Variants in CAMKK2 observed in about 807,000 individuals in gnomAD.
CAMKK2 encodes the protein calcium/calmodulin-dependent protein kinase kinase 2.
A neutral mutation model predicts 67.2 loss-of-function variants in CAMKK2; 30 were observed. The ratio of observed to expected loss-of-function variants is 0.45; its 90% CI spans 0.33 to 0.61. The LOEUF (loss-of-function observed/expected upper bound fraction) is 0.61. CAMKK2 is among the 20% of genes least tolerant of loss of function. CAMKK2 has a pLI of 0.02. For synonymous variants in CAMKK2, 322 were observed against 326.2 expected, an observed-to-expected ratio of 0.99 and a Z score of 0.14; for missense variants, 643 against 802.0, an observed-to-expected ratio of 0.80 and a Z score of 2.39.
At chr12:121,291,861 T>C (rs1338104162) in intron 1 of CAMKK2, among the ~76,000 whole-genome samples, 2 of 151,850 alleles carry the variant, frequency 1.3e-5, no homozygotes, top group Non-Finnish European at 2.9e-5. Context: ...ATCAAGACCA[T>C]CCTAGCCAAC....
intron 1 of CAMKK2, among the ~76,000 whole-genome samples, chr12:121,289,961 C>T (rs1899670722): frequency 6.6e-5 from 10 of 150,446 alleles, no homozygotes; most frequent in Admixed American, 5.9e-4. Context: ...AGAGAAGGTA[C>T]ATCAGGAAAG....
Position 121,240,352 on chromosome 12 carries a change from A to G in CAMKK2, c.*347T>C, listed in dbSNP as rs931421203. 20 of 1,274,598 alleles carry G rather than the reference A, an allele frequency of 1.6e-5. No homozygotes were observed. The highest frequency in any genetic ancestry group is 4.9e-5 in the Admixed American group (2 of 40,842). The allele number at this position is 1,274,598 out of a possible 1,614,324, so 79.0% of individuals were successfully genotyped here. A position where few individuals can be genotyped will look rare whatever the true frequency, so the allele number is the denominator to read the frequency against. On this transcript the variant is annotated 3_prime_UTR_variant, in exon 17 of 17. Transcript: ENST00000404169. This position sits in a 1 kb window ranked among gnomAD's most constrained non-coding sequence, Gnocchi z 4.4. ...TTTCCACAGTTGTCAAACCCCACAC[A>G]CAGTCACTTGGTATATCTGACGTGG... is the stretch of plus-strand genomic sequence containing the variant.
chr12:121,297,432 C>G, upstream of CAMKK2: 1 of 372,770 alleles, frequency 2.7e-6, no homozygotes, highest in Non-Finnish European at 5.5e-6. Flanking sequence ...ATCCCCAGCC[C>G]ACCTGGATGC....
chr12:121,255,242 A>G (rs1593322427), intron 9 of CAMKK2, among the ~76,000 whole-genome samples: 2 of 88,090 alleles, frequency 2.3e-5, no homozygotes, highest in Non-Finnish European at 4.3e-5. Context: ...AATTTTATAT[A>G]TATATAATTA....
At chr12:121,244,765 AC>A in intron 15 of CAMKK2, 150 bp from the exon 16 acceptor site, 1 of 651,310 alleles carries the variant, frequency 1.5e-6, no homozygotes, top group Non-Finnish European at 2.7e-6. Flanking sequence ...ATGAGTGGAC[AC>A]CTCTCTGCAT....
chr12:121,284,561 G>C (rs1898377442), intron 1 of CAMKK2, among the ~76,000 whole-genome samples: 1 of 152,174 alleles, frequency 6.6e-6, no homozygotes, highest in South Asian at 2.1e-4. Flanking sequence ...CTGACTTCAA[G>C]TGATCCACCT....
intron 16 of CAMKK2, among the ~76,000 whole-genome samples, chr12:121,243,222 G>A (rs12305892): frequency 0.026 from 3,971 of 151,270 alleles, 182 homozygotes; most frequent in African/African-American, 0.091. Flanking sequence ...TAGTAGAGAC[G>A]GGGTTTCACC....
chr12:121,246,363 T>C (rs1593275443), intron 14 of CAMKK2, among the ~76,000 whole-genome samples: 1 of 151,646 alleles, frequency 6.6e-6, no homozygotes, highest in Non-Finnish European at 1.5e-5. Context: ...CTGGCCAGCA[T>C]GGAGAAACCG....
chr12:121,283,720 C>A (rs867174357), intron 1 of CAMKK2, among the ~76,000 whole-genome samples: 1 of 152,060 alleles, frequency 6.6e-6, no homozygotes, highest in Non-Finnish European at 1.5e-5. Context: ...GAGGCTGAGG[C>A]GGGAGGATGG....
intron 16 of CAMKK2, chr12:121,244,185 C>A: frequency 1.3e-6 from 2 of 1,578,326 alleles, no homozygotes; most frequent in Non-Finnish European, 1.7e-6. Flanking sequence ...CGAAGAGCCA[C>A]ACAGTGCAGC....
At chr12:121,252,519 A>G (rs1459821766) in intron 11 of CAMKK2, 142 bp downstream of exon 11, 3 of 489,076 alleles carry the variant, frequency 6.1e-6, no homozygotes, top group Non-Finnish European at 1.1e-5. Context: ...CAGCCTCCCA[A>G]AGTGCTGGGT....
At chr12:121,261,336 C>G (rs536885704) in intron 6 of CAMKK2, among the ~76,000 whole-genome samples, 2 of 152,254 alleles carry the variant, frequency 1.3e-5, no homozygotes, top group African/African-American at 2.4e-5. Context: ...AACCAAATGC[C>G]CTTGGGCTTC....
At chr12:121,286,821 G>A (rs1898840180) in intron 1 of CAMKK2, among the ~76,000 whole-genome samples, 2 of 152,206 alleles carry the variant, frequency 1.3e-5, no homozygotes, top group Admixed American at 1.3e-4. Flanking sequence ...GGGCACAAGT[G>A]TGAATGCTCA....
intron 7 of CAMKK2, among the ~76,000 whole-genome samples, chr12:121,256,376 C>CA (rs143886071): frequency 0.017 from 2,509 of 148,712 alleles, 60 homozygotes; most frequent in East Asian, 0.083. Context: ...AAGAATGTCC[C>CA]AAAAAAAAAA....
chr12:121,263,710 G>T, intron 6 of CAMKK2, 96 bp downstream of exon 6: 3 of 1,228,672 alleles, frequency 2.4e-6, no homozygotes, highest in East Asian at 4.8e-5. Flanking sequence ...TGAGCGGTCT[G>T]GTGTGACCTG....
chr12:121,274,579 G>A lies in CAMKK2; in HGVS notation c.-53C>T, dbSNP rs1896457809. The stretch of plus-strand genomic sequence containing the variant: ...ACTGGGGCACTCCCATCCGGCAGCG[G>A]AGCCACCTGCAGAAAGAGAAAGGGT... On this transcript the variant is annotated 5_prime_UTR_variant, in exon 2 of 17. Coordinates refer to ENST00000404169, the MANE Select transcript of CAMKK2 (RefSeq NM_001270485.2). 7.6e-7 allele frequency: 1 copy of A among 1,308,840 alleles called. No homozygotes were observed. Among genetic ancestry groups the A allele is most frequent in the South Asian group, 1.3e-5 (1 of 74,282 alleles). The allele number at this position is 1,308,840 out of a possible 1,614,324, so 81.1% of individuals were successfully genotyped here.
chr12:121,260,469 G>T, intron 6 of CAMKK2, 114 bp from the exon 7 acceptor site: 2 of 859,582 alleles, frequency 2.3e-6, no homozygotes, highest in South Asian at 1.5e-5. Context: ...CAACAGGAGG[G>T]CTGCATTTGG....
chr12:121,288,447 C>T (rs966836969), intron 1 of CAMKK2, among the ~76,000 whole-genome samples: 3 of 152,218 alleles, frequency 2.0e-5, no homozygotes, highest in Non-Finnish European at 4.4e-5. Flanking sequence ...CGTCCCCACA[C>T]CTGGACCTAG....
At chr12:121,289,059 C>T (rs1307466154) in intron 1 of CAMKK2, among the ~76,000 whole-genome samples, 1 of 152,062 alleles carries the variant, frequency 6.6e-6, no homozygotes. Context: ...CTGTCACCAG[C>T]ACCAATCCCC....
Sources: allele counts gnomAD v4.1 joint callset (sites outside exome capture counted in the v4.1 genomes callset), GRCh38; gene constraint gnomAD v4.1.1; non-coding constraint Gnocchi (gnomAD v3.1); transcripts MANE v1.5; gene names NCBI Gene and HGNC (gene_info 2026-07-23, HGNC 2026-07-21).